Variants in HECW2 observed in about 807,000 individuals in gnomAD.
The protein encoded by HECW2 is E3 ubiquitin-protein ligase HECW2.
In HECW2, 61 loss-of-function variants were observed where a neutral mutation model predicts 175.2. The observed-to-expected ratio is 0.35, with a 90% CI of 0.28 to 0.43. The LOEUF is 0.43. HECW2 is among the 20% of genes least tolerant of loss of function. The probability of loss-of-function intolerance (pLI) is 1.00; values close to 1 mark genes in which losing one functional copy is unlikely to be tolerated. For synonymous variants in HECW2, 671 were observed against 731.0 expected (o/e 0.92, Z 1.32); for missense variants, 1,524 against 2,000.5 (o/e 0.76, Z 4.54).
chr2:196,225,442 T>C (rs1687817033), intron 23 of HECW2, among the ~76,000 whole-genome samples: 1 of 152,196 alleles, frequency 6.6e-6, no homozygotes, highest in African/African-American at 2.4e-5. Flanking sequence ...AACAATTCTA[T>C]TAATAATCTG....
At chr2:196,273,929 G>A (rs72923327) in intron 16 of HECW2, 92 bp downstream of exon 16, 173,433 of 858,688 alleles carry the variant, frequency 0.2, 19,002 homozygotes, top group East Asian at 0.23. Context: ...GCAAAAAGTA[G>A]CAGGCTAACA....
At chr2:196,249,465 A>AG (rs200436898) in intron 19 of HECW2, among the ~76,000 whole-genome samples, 1 of 19,844 alleles carries the variant, frequency 5.0e-5, no homozygotes, top group East Asian at 0.083. Flanking sequence ...AATGAGGAAA[A>AG]GGGGGAAAGT....
At chr2:196,422,663 T>A (rs145996322) in intron 2 of HECW2, among the ~76,000 whole-genome samples, 1 of 152,082 alleles carries the variant, frequency 6.6e-6, no homozygotes, top group Non-Finnish European at 1.5e-5. Context: ...TGCAGCATAA[T>A]CTGACTAGGT....
chr2:196,431,651 C>A (rs1695716713), intron 2 of HECW2, among the ~76,000 whole-genome samples: 2 of 152,014 alleles, frequency 1.3e-5, no homozygotes, highest in South Asian at 4.1e-4. Flanking sequence ...ATCTAAAGTC[C>A]CAACAAAACT....
rs145749357 is a variant in HECW2 at position 196,532,071 on chromosome 2, G to A, written c.-36+61437C>T. Among the ~76,000 whole-genome samples, 624 of 152,286 alleles carry A rather than the reference G, an allele frequency of 4.1e-3. 15 individuals carry two copies. Among genetic ancestry groups the A allele is most frequent in the Admixed American group, 0.038 (577 of 15,294 alleles). ...AACATTACGATCTTCCCAGTGTGGCGATTCCTCAAGGATCTAAAACTAGAA... is the reference window on the plus strand; with the variant it reads ...AACATTACGATCTTCCCAGTGTGGCAATTCCTCAAGGATCTAAAACTAGAA... On this transcript the variant is annotated intron_variant, in intron 1 of 28. Transcript: ENST00000644978.
At chr2:196,278,849 T>C (rs899253303) in intron 14 of HECW2, among the ~76,000 whole-genome samples, 187 bp from the exon 15 acceptor site, 2 of 152,116 alleles carry the variant, frequency 1.3e-5, no homozygotes, top group African/African-American at 4.8e-5. Context: ...AAGCCAAGCT[T>C]AGATGAGATC....
intron 28 of HECW2, among the ~76,000 whole-genome samples, chr2:196,204,346 T>C (rs958353184): frequency 1.3e-5 from 2 of 152,102 alleles, no homozygotes; most frequent in Non-Finnish European, 2.9e-5. Context: ...TTTTGTTTGT[T>C]TGTTTGTTTG....
Position 196,307,996 on chromosome 2 carries a change from G to C in HECW2, c.2524C>G (p.Pro842Ala), listed in dbSNP as rs765937066. 1 of 1,605,942 alleles carries C rather than the reference G, an allele frequency of 6.2e-7. No homozygotes were observed. Among genetic ancestry groups the C allele is most frequent in the South Asian group, 1.1e-5 (1 of 90,240 alleles). ...GATCTCTGCAGCACCTGCGGGGCTGGGGGAGCTGTCGGTCGCTGCCACGTC... is the reference window on the plus strand; with the variant it reads ...GATCTCTGCAGCACCTGCGGGGCTGCGGGAGCTGTCGGTCGCTGCCACGTC... ...TTTWQRPTAPPAPQVLQRSNS... is the reference protein window; with the variant it reads ...TTTWQRPTAPAAPQVLQRSNS... Residue 842 changes from proline to alanine, a missense_variant, in exon 11 of 29, where the codon CCA becomes GCA. By Grantham distance (27) the Pro-to-Ala change is conservative. Transcript: ENST00000644978.
intron 25 of HECW2, among the ~76,000 whole-genome samples, chr2:196,220,584 C>T (rs955867048): frequency 2.0e-5 from 3 of 152,140 alleles, no homozygotes; most frequent in African/African-American, 7.2e-5. Flanking sequence ...TGAATGCAGT[C>T]CATAACATTT....
rs1029590638 is a variant in HECW2, at chr2:196,560,745, G to A, written c.-36+32763C>T. Among the ~76,000 whole-genome samples, 21 of 152,280 alleles carry A rather than the reference G, an allele frequency of 1.4e-4. No individual in the cohort carries two copies. The South Asian group carries it at 2.1e-3, about 15-fold the overall frequency. On this transcript the variant is annotated intron_variant, in intron 1 of 28. Transcript: ENST00000644978. Reference sequence around the variant, plus strand: ...ATACTGTTGCGGGAAGTCAGGGACCGCGAACGGAGAGACTTGCTGAAGCCG... The same window carrying A: ...ATACTGTTGCGGGAAGTCAGGGACCACGAACGGAGAGACTTGCTGAAGCCG...
intron 1 of HECW2, among the ~76,000 whole-genome samples, chr2:196,571,907 T>TA (rs1369861749): frequency 1.3e-5 from 2 of 152,046 alleles, no homozygotes; most frequent in South Asian, 4.2e-4. Context: ...AATGAATGAA[T>TA]AAAAAATTGT....
At chr2:196,374,860 C>T (rs993634212) in intron 2 of HECW2, among the ~76,000 whole-genome samples, 10 of 150,784 alleles carry the variant, frequency 6.6e-5, no homozygotes, top group Non-Finnish European at 1.0e-4. Context: ...GAAGCAAAGA[C>T]GGCACATGAA....
chr2:196,559,883 C>G lies in HECW2; in HGVS notation c.-36+33625G>C, dbSNP rs183380788. Among the ~76,000 whole-genome samples, 91 of 152,260 alleles carry G rather than the reference C, an allele frequency of 6.0e-4. No individual in the cohort carries two copies. In the East Asian group the frequency reaches 9.3e-3, roughly 15 times the overall value. ...TGAGCCAACAATGTACAATAAATATCTGAATTCCTTTCACTCTAAAAGGAT... is the reference window on the plus strand; with the variant it reads ...TGAGCCAACAATGTACAATAAATATGTGAATTCCTTTCACTCTAAAAGGAT... On this transcript the variant is annotated intron_variant, in intron 1 of 28. Transcript: ENST00000644978.
At chr2:196,249,709 G>T (rs1320078569) in intron 19 of HECW2, among the ~76,000 whole-genome samples, 1 of 152,166 alleles carries the variant, frequency 6.6e-6, no homozygotes, top group Non-Finnish European at 1.5e-5. Context: ...GGGAAATGAG[G>T]TTAGGTAGTC....
At chr2:196,283,860 C>T (rs1277985803) in intron 14 of HECW2, among the ~76,000 whole-genome samples, 1 of 152,104 alleles carries the variant, frequency 6.6e-6, no homozygotes, top group Non-Finnish European at 1.5e-5. Flanking sequence ...AATGATATAT[C>T]TATCATTCAC....
intron 2 of HECW2, among the ~76,000 whole-genome samples, chr2:196,410,594 T>A (rs1344578066): frequency 6.6e-6 from 1 of 152,112 alleles, no homozygotes; most frequent in African/African-American, 2.4e-5. Context: ...GAATATAGGA[T>A]CCATGAAGTC....
chr2:196,387,500 C>A (rs113099068), intron 2 of HECW2, among the ~76,000 whole-genome samples: 2,745 of 152,236 alleles, frequency 0.018, 50 homozygotes, highest in African/African-American at 0.045. Context: ...GCACCTTGAT[C>A]TTGCACTTCC....
chr2:196,306,072 A>T (rs979114144), intron 13 of HECW2, among the ~76,000 whole-genome samples: 2 of 152,136 alleles, frequency 1.3e-5, no homozygotes, highest in African/African-American at 4.8e-5. Context: ...CCTAAGAGGT[A>T]ATTAGGAATT....
chr2:196,299,695 C>G (rs944576652), intron 13 of HECW2, among the ~76,000 whole-genome samples: 5 of 152,124 alleles, frequency 3.3e-5, no homozygotes, highest in African/African-American at 9.7e-5. Flanking sequence ...TTTGGGAGGC[C>G]GAGGTCGGCG....
Sources: allele counts gnomAD v4.1 joint callset (sites outside exome capture counted in the v4.1 genomes callset), GRCh38; gene constraint gnomAD v4.1.1; transcripts MANE v1.5; gene names NCBI Gene and HGNC (gene_info 2026-07-23, HGNC 2026-07-21).